ANK3: variants seen among roughly 807,000 people sequenced by gnomAD.
ANK3 encodes ankyrin 3.
In ANK3, 57 loss-of-function variants were observed where a neutral mutation model predicts 370.9. That is an observed-to-expected ratio of 0.15 (90% CI 0.12 to 0.19). The LOEUF is 0.19. Ranked by LOEUF, ANK3 falls within the 10% of genes least tolerant of loss-of-function variation. The pLI is 1.00. For missense variants in ANK3, 4,439 were observed against 5,302.1 expected (o/e 0.84, Z 5.06); for synonymous variants, 1,929 against 1,946.3 (o/e 0.99, Z 0.23).
At chr10:60,374,149 AC>A (rs1233424128) in intron 1 of ANK3, among the ~76,000 whole-genome samples, 7 of 151,864 alleles carry the variant, frequency 4.6e-5, no homozygotes, top group Non-Finnish European at 1.0e-4. Flanking sequence ...AAGGGATACT[AC>A]TGGAGCTGGG....
chr10:60,060,030 C>A (rs1446688643), intron 40 of ANK3: 2 of 1,525,046 alleles, frequency 1.3e-6, no homozygotes, highest in East Asian at 2.3e-5. Flanking sequence ...TACATTTGGA[C>A]TGACTGGAAT....
rs185474289 is a variant in ANK3 at position 60,263,973 on chromosome 10, T to C, written c.561A>G (p.Gln187=). Residue 187 remains glutamine, a synonymous_variant, in exon 6 of 44, where the codon CAA becomes CAG. Coordinates refer to ENST00000280772, the MANE Select transcript of ANK3 (RefSeq NM_020987.5). ...CATTCTCTAGCAGGAGCGAAACGAC[T>C]TGGTCGTGACCTTGTTGCAAAGCCA... is the stretch of plus-strand genomic sequence containing the variant. ...LAVALQQGHD[Q]VVSLLLENDT... The C allele has an allele frequency of 7.4e-6, 12 of 1,614,162 alleles. No individual in the cohort carries two copies. In the Admixed American group the frequency reaches 1.7e-4, roughly 22 times the overall value.
At chr10:60,366,299 C>T (rs570571937) in intron 1 of ANK3, among the ~76,000 whole-genome samples, 1 of 152,252 alleles carries the variant, frequency 6.6e-6, no homozygotes, top group South Asian at 2.1e-4. Flanking sequence ...TGCCACTGTA[C>T]TCCAGCCTGA....
At chr10:60,326,875 G>A (rs910589473) in intron 1 of ANK3, among the ~76,000 whole-genome samples, 1 of 66,562 alleles carries the variant, frequency 1.5e-5, no homozygotes, top group African/African-American at 4.7e-5. Flanking sequence ...CAAAAAATTA[G>A]TCGGGTGCGG....
chr10:60,039,434 A>G (rs2075719648), intron 43 of ANK3, among the ~76,000 whole-genome samples: 1 of 152,250 alleles, frequency 6.6e-6, no homozygotes, highest in African/African-American at 2.4e-5. Context: ...CTAGAGATTT[A>G]GAAATGAAGT....
chr10:60,704,512 TGAAAA>T (rs2079586778), intron 1 of ANK3, among the ~76,000 whole-genome samples: 1 of 151,992 alleles, frequency 6.6e-6, no homozygotes, highest in Admixed American at 6.6e-5. Flanking sequence ...GGCCTTTATA[TGAAAA>T]CTCAGAGAAA....
intron 1 of ANK3, among the ~76,000 whole-genome samples, chr10:60,299,176 A>C (rs141175775): frequency 6.6e-6 from 1 of 152,302 alleles, no homozygotes; most frequent in African/African-American, 2.4e-5. Flanking sequence ...ATAAAATCTC[A>C]CTTGATTAAA....
chr10:60,193,504 A>G (rs1203174780), intron 16 of ANK3, among the ~76,000 whole-genome samples: 11 of 83,466 alleles, frequency 1.3e-4, no homozygotes, highest in African/African-American at 6.7e-4. Context: ...AAAAATACAA[A>G]AATTAGCTGG....
chr10:60,681,745 G>A (rs773855123), intron 1 of ANK3, among the ~76,000 whole-genome samples: 6 of 152,296 alleles, frequency 3.9e-5, no homozygotes, highest in South Asian at 4.1e-4. Context: ...GACTGGCTCC[G>A]ACTTGGACAT....
intron 2 of ANK3, among the ~76,000 whole-genome samples, chr10:60,560,510 T>A (rs1253225466): frequency 1.3e-5 from 2 of 152,224 alleles, no homozygotes; most frequent in Admixed American, 6.5e-5. Flanking sequence ...TGTACATTTT[T>A]AAATTTTAAC....
At chr10:60,673,682 A>T (rs12218617) in intron 1 of ANK3, among the ~76,000 whole-genome samples, 17,486 of 152,188 alleles carry the variant, frequency 0.11, 1,464 homozygotes, top group East Asian at 0.27. Flanking sequence ...AGGTCTCACA[A>T]GTGTTCACGG....
At chr10:60,037,157 A>G (rs1416371428) in intron 43 of ANK3, among the ~76,000 whole-genome samples, 2 of 152,136 alleles carry the variant, frequency 1.3e-5, no homozygotes, top group South Asian at 2.1e-4. Flanking sequence ...AGCCACCATT[A>G]TGGCTTAGTT....
At chr10:60,700,757 C>T (rs2079535300) in intron 1 of ANK3, among the ~76,000 whole-genome samples, 2 of 151,826 alleles carry the variant, frequency 1.3e-5, no homozygotes. Flanking sequence ...TGAATTAGAC[C>T]CATTCTTCTT....
chr10:60,622,435 G>A (rs2078350633), intron 1 of ANK3, among the ~76,000 whole-genome samples: 1 of 151,974 alleles, frequency 6.6e-6, no homozygotes, highest in African/African-American at 2.4e-5. Context: ...TAGAGATGGG[G>A]TTTCATCATG....
intron 2 of ANK3, among the ~76,000 whole-genome samples, chr10:60,416,483 A>G (rs1300942700): frequency 6.6e-6 from 1 of 152,216 alleles, no homozygotes; most frequent in Non-Finnish European, 1.5e-5. Context: ...GAGGACATCC[A>G]ATATGATTTC....
At chr10:60,602,089 C>A (rs2078072199) in intron 2 of ANK3, among the ~76,000 whole-genome samples, 1 of 152,076 alleles carries the variant, frequency 6.6e-6, no homozygotes, top group South Asian at 2.1e-4. Context: ...AGCATTAATA[C>A]AGGGCTTACC....
At chr10:60,130,134 T>C (rs1257013182) in intron 25 of ANK3, among the ~76,000 whole-genome samples, 1 of 152,174 alleles carries the variant, frequency 6.6e-6, no homozygotes, top group East Asian at 1.9e-4. Context: ...TACTGTTGAT[T>C]GTCCAGGAGG....
intron 41 of ANK3, among the ~76,000 whole-genome samples, chr10:60,058,413 A>T (rs10821665): frequency 2.0e-4 from 30 of 150,436 alleles, no homozygotes; most frequent in Non-Finnish European, 4.0e-4. Flanking sequence ...GGGTAAAGAC[A>T]AATGTTCATC....
At chr10:60,309,625 G>A (rs2045908378) in intron 1 of ANK3, among the ~76,000 whole-genome samples, 1 of 152,184 alleles carries the variant, frequency 6.6e-6, no homozygotes, top group African/African-American at 2.4e-5. Context: ...CTCTGGAGAT[G>A]AATAAGGAGG....
Sources: gnomAD v4.1 joint callset for allele counts (sites outside exome capture counted in the v4.1 genomes callset) on GRCh38, gnomAD v4.1.1 for gene constraint, MANE v1.5 for transcripts, NCBI Gene and HGNC (gene_info 2026-07-23, HGNC 2026-07-21) for gene names.